CNKSR3: variants seen among roughly 807,000 people sequenced by gnomAD.
The protein encoded by CNKSR3 is connector enhancer of kinase suppressor of ras 3.
CNKSR3 carries 36 observed loss-of-function variants against 67.7 expected under a neutral mutation model. The ratio of observed to expected loss-of-function variants is 0.53; its 90% CI spans 0.41 to 0.70. CNKSR3 has a LOEUF of 0.70. Ranked by LOEUF, CNKSR3 falls within the 30% of genes least tolerant of loss-of-function variation. The pLI is 0.00. For synonymous variants in CNKSR3, 281 were observed against 271.4 expected (o/e 1.04, Z -0.35); for missense variants, 630 against 695.2 (o/e 0.91, Z 1.05).
intron 5 of CNKSR3, among the ~76,000 whole-genome samples, chr6:154,430,806 T>G (rs904095268): frequency 6.6e-6 from 1 of 152,170 alleles, no homozygotes; most frequent in Non-Finnish European, 1.5e-5. Context: ...AAAGGCAGCT[T>G]TTATATTAGC....
intron 1 of CNKSR3, among the ~76,000 whole-genome samples, chr6:154,472,581 T>C (rs1582887948): frequency 6.6e-6 from 1 of 152,236 alleles, no homozygotes; most frequent in Middle Eastern, 3.4e-3. Flanking sequence ...GGATGGCTGG[T>C]GTCTGTCTCC....
intron 12 of CNKSR3, among the ~76,000 whole-genome samples, chr6:154,408,546 A>G (rs976627745): frequency 2.0e-5 from 3 of 152,244 alleles, no homozygotes; most frequent in Admixed American, 6.5e-5. Flanking sequence ...AAAAAGCCAC[A>G]TGTTGCATAA....
intron 10 of CNKSR3, among the ~76,000 whole-genome samples, chr6:154,413,732 G>A (rs1784956092): frequency 6.6e-6 from 1 of 152,026 alleles, no homozygotes; most frequent in Non-Finnish European, 1.5e-5. Flanking sequence ...TTTTTCAAAA[G>A]TAAGGTATTG....
chr6:154,450,386 G>A, intron 1 of CNKSR3, 128 bp from the exon 2 acceptor site: 4 of 935,616 alleles, frequency 4.3e-6, no homozygotes, highest in East Asian at 2.6e-5. Flanking sequence ...TTATCTATGT[G>A]AGGCCTATTG....
intron 1 of CNKSR3, among the ~76,000 whole-genome samples, chr6:154,494,666 T>C (rs1226597111): frequency 6.6e-6 from 1 of 152,146 alleles, no homozygotes; most frequent in Non-Finnish European, 1.5e-5. Context: ...ATTGGGCCAA[T>C]GATGAATAAG....
chr6:154,457,936 T>C (rs1582876843), intron 1 of CNKSR3, among the ~76,000 whole-genome samples: 1 of 152,234 alleles, frequency 6.6e-6, no homozygotes, highest in East Asian at 1.9e-4. Context: ...GCACCTGTTC[T>C]GCTGAGTTTC....
At position 154,508,053 on chromosome 6, in the gene CNKSR3, A is replaced by G. The variant is rs557515337; in HGVS notation, c.52+2010T>C. On this transcript the variant is annotated intron_variant, in intron 1 of 12. Coordinates refer to ENST00000607772, the MANE Select transcript of CNKSR3 (RefSeq NM_173515.4). Reference sequence around the variant, plus strand: ...CGCCTGTTACCATTTTTCTGATTGTACATTATCAACTAAGCTGGCAGAGGC... The same window carrying G: ...CGCCTGTTACCATTTTTCTGATTGTGCATTATCAACTAAGCTGGCAGAGGC... Among the ~76,000 whole-genome samples, 24 of 152,322 alleles carry G rather than the reference A, an allele frequency of 1.6e-4. No individual in the cohort carries two copies. In the South Asian group the frequency reaches 3.1e-3, roughly 20 times the overall value.
In CNKSR3 at chr6:154,475,182, G is replaced by A. The variant is rs112082235; in HGVS notation, c.53-24924C>T. Among the ~76,000 whole-genome samples the A allele has an allele frequency of 3.4e-3, 511 of 152,206 alleles. 8 individuals carry two copies. Among genetic ancestry groups the A allele is most frequent in the African/African-American group, 0.011 (473 of 41,526 alleles). ...CTGGTCTTGAGGTCCAGGCCCATCC[G>A]ACTCCAGAACCCATTGTCTTCCCAC... On this transcript the variant is annotated intron_variant, in intron 1 of 12. Coordinates refer to ENST00000607772, the MANE Select transcript of CNKSR3 (RefSeq NM_173515.4).
Position 154,411,130 on chromosome 6 carries a change from G to T in CNKSR3, c.1083C>A (p.Gly361=). ...AVPYSPRDEN[G]SFVYGGSSKC... ...TACTGGACCCTCCATAAACAAAACT[G>T]CCATTCTCATCCCTGGAAGATAATA... The change falls in exon 11 of 13, where the codon GGC becomes GGA. Residue 361 remains glycine, a synonymous_variant. Transcript: ENST00000607772. The T allele has an allele frequency of 6.2e-7, 1 of 1,609,658 alleles. No homozygotes were observed. The highest frequency in any genetic ancestry group is 8.5e-7 in the Non-Finnish European group (1 of 1,176,444).
At position 154,424,228 on chromosome 6, in the gene CNKSR3, C is replaced by T. The variant is rs1462433740; in HGVS notation, c.730-1245G>A. Among the ~76,000 whole-genome samples, 3 of 111,518 alleles carry T rather than the reference C, an allele frequency of 2.7e-5. No individual in the cohort carries two copies. The Admixed American group carries it at 2.9e-4, about 11-fold the overall frequency. 73.2% of individuals were successfully genotyped at this position (111,518 alleles called of 152,430 possible). ...CCTAGGCGACAGAGCGAGACTCCGT[C>T]TCAAAAAAAAAAAAAAAAAAGAAAA... On this transcript the variant is annotated intron_variant, in intron 7 of 12. Coordinates refer to ENST00000607772, the MANE Select transcript of CNKSR3 (RefSeq NM_173515.4).
Position 154,484,745 on chromosome 6 carries a change from T to A in CNKSR3, c.52+25318A>T, listed in dbSNP as rs375415540. Among the ~76,000 whole-genome samples, 5 of 147,654 alleles carry A rather than the reference T, an allele frequency of 3.4e-5. No individual in the cohort carries two copies. In the East Asian group the frequency reaches 9.9e-4, roughly 29 times the overall value. ...CTCCTTGTCTCTATCATCTCAAACC[T>A]AAATATGATTATCCCCTTCCCCCTC... On this transcript the variant is annotated intron_variant, in intron 1 of 12. Coordinates refer to ENST00000607772, the MANE Select transcript of CNKSR3 (RefSeq NM_173515.4).
rs1424516531 is a variant in CNKSR3, at chr6:154,510,014, C to A, written c.52+49G>T. The A allele has an allele frequency of 6.2e-6, 10 of 1,604,644 alleles. No homozygotes were observed. The East Asian group carries it at 2.2e-4, about 36-fold the overall frequency. On this transcript the variant is annotated intron_variant, in intron 1 of 12. Transcript: ENST00000607772. ...ACCCTCTTCCCCAGCTCCTCGTCCG[C>A]CCCATCCCCGAGGCTGGAGGACTCC...
At chr6:154,424,247 A>G (rs866532132) in intron 7 of CNKSR3, among the ~76,000 whole-genome samples, 2,787 of 150,192 alleles carry the variant, frequency 0.019, 47 homozygotes, top group African/African-American at 0.037. Flanking sequence ...AAAAAAAAAA[A>G]AGAAAAGAAA....
chr6:154,482,766 T>C (rs1186519944), intron 1 of CNKSR3, among the ~76,000 whole-genome samples: 1 of 152,214 alleles, frequency 6.6e-6, no homozygotes, highest in African/African-American at 2.4e-5. Context: ...TGTTTAAATA[T>C]TCTTTTACAA....
Position 154,428,149 on chromosome 6 carries a change from C to A in CNKSR3, c.708G>T (p.Val236=). 1 of 1,609,456 alleles carries A rather than the reference C, an allele frequency of 6.2e-7. No homozygotes were observed. Among genetic ancestry groups the A allele is most frequent in the African/African-American group, 1.3e-5 (1 of 74,938 alleles). Residue 236 remains valine (V), a synonymous_variant, in exon 7 of 13, where the codon GTG becomes GTT. Transcript: ENST00000607772. ...YIKSTYDGLH[V]ITGTTENSPA... Reference sequence around the variant, plus strand: ...TTACATTTTCTGTGGTTCCAGTAATCACGTGTAACCCATCATAGGTTGATT... The same window carrying A: ...TTACATTTTCTGTGGTTCCAGTAATAACGTGTAACCCATCATAGGTTGATT...
At chr6:154,474,165 C>A (rs796734345) in intron 1 of CNKSR3, among the ~76,000 whole-genome samples, 77 of 150,928 alleles carry the variant, frequency 5.1e-4, no homozygotes, top group African/African-American at 1.8e-3. Context: ...GCAATCCCAG[C>A]ACTTTGGGAG....
chr6:154,469,759 G>A (rs1482188241), intron 1 of CNKSR3, among the ~76,000 whole-genome samples: 1 of 152,066 alleles, frequency 6.6e-6, no homozygotes, highest in Non-Finnish European at 1.5e-5. Flanking sequence ...GAACTAACTT[G>A]GGGTTAGGCA....
chr6:154,401,956 T>C lies in CNKSR3; in HGVS notation c.*4398A>G, dbSNP rs976485808. ...CTAACAACCTAAAGAGGAATGTTCATGGTCTTCCAGGGAAAAAATTAAAAA... is the reference window on the plus strand; with the variant it reads ...CTAACAACCTAAAGAGGAATGTTCACGGTCTTCCAGGGAAAAAATTAAAAA... On this transcript the variant is annotated 3_prime_UTR_variant, in exon 13 of 13. Transcript: ENST00000607772. 2 of 152,080 alleles carry C rather than the reference T, an allele frequency of 1.3e-5. No homozygotes were observed. Among genetic ancestry groups the C allele is most frequent in the Non-Finnish European group, 2.9e-5 (2 of 68,010 alleles). The allele number at this position is 152,080 out of a possible 1,614,324, so 9.4% of individuals were successfully genotyped here. A position where few individuals can be genotyped will look rare whatever the true frequency, so the allele number is the denominator to read the frequency against.
intron 4 of CNKSR3, among the ~76,000 whole-genome samples, chr6:154,437,587 T>G (rs1785498695): frequency 6.6e-6 from 1 of 152,030 alleles, no homozygotes; most frequent in Admixed American, 6.6e-5. Flanking sequence ...GGGTGATTTT[T>G]GTATTTTTAG....
Sources: allele counts gnomAD v4.1 joint callset (sites outside exome capture counted in the v4.1 genomes callset), GRCh38; gene constraint gnomAD v4.1.1; transcripts MANE v1.5; gene names NCBI Gene and HGNC (gene_info 2026-07-23, HGNC 2026-07-21).